DLGAP2: variants seen among roughly 807,000 people sequenced by gnomAD.
The protein encoded by DLGAP2 is DLG associated protein 2.
A neutral mutation model predicts 100.3 loss-of-function variants in DLGAP2; 26 were observed. The ratio of observed to expected loss-of-function variants is 0.26; its 90% CI spans 0.19 to 0.36. DLGAP2 has a LOEUF of 0.36. Among genes scored for constraint, DLGAP2 ranks in the 10% least tolerant of loss-of-function variants. The probability of loss-of-function intolerance (pLI) is 1.00; values close to 1 mark genes in which losing one functional copy is unlikely to be tolerated. For missense variants in DLGAP2, 1,858 were observed against 1,453.2 expected (o/e 1.28, Z -4.53); for synonymous variants, 886 against 630.1 (o/e 1.41, Z -6.08).
At chr8:1,422,037 G>T (rs1329618819) in intron 3 of DLGAP2, among the ~76,000 whole-genome samples, 3 of 152,036 alleles carry the variant, frequency 2.0e-5, no homozygotes, top group African/African-American at 7.2e-5. Context: ...GCTGATATTT[G>T]CTGAGCATCT....
chr8:1,372,797 T>C (rs1802277155), intron 3 of DLGAP2, among the ~76,000 whole-genome samples: 1 of 152,226 alleles, frequency 6.6e-6, no homozygotes, highest in Non-Finnish European at 1.5e-5. Flanking sequence ...CAGTATATTT[T>C]CCCAAGCGAA....
At chr8:1,599,172 C>T (rs1042640035) in intron 6 of DLGAP2, among the ~76,000 whole-genome samples, 2 of 152,086 alleles carry the variant, frequency 1.3e-5, no homozygotes, top group Admixed American at 6.6e-5. Flanking sequence ...TGTAGTTGTG[C>T]AGTTTTGAGT....
rs1358895734 is a variant in DLGAP2, at chr8:764,635, A to G, written c.18+26810A>G. ...AAAAATCACCCTCATGTTATTGATCAGTTATTTTTCTAATTAGATACATCA... is the reference window on the plus strand; with the variant it reads ...AAAAATCACCCTCATGTTATTGATCGGTTATTTTTCTAATTAGATACATCA... On this transcript the variant is annotated intron_variant, in intron 1 of 14. Coordinates refer to ENST00000637795, the MANE Select transcript of DLGAP2 (RefSeq NM_001346810.2). 2.1e-4 allele frequency among the ~76,000 whole-genome samples: 32 copies of G among 152,130 alleles called. 1 individual carries two copies. The highest frequency in any genetic ancestry group is 1.5e-5 in the Non-Finnish European group (1 of 68,030).
chr8:1,367,212 A>G (rs564865074), intron 3 of DLGAP2, among the ~76,000 whole-genome samples: 12 of 152,366 alleles, frequency 7.9e-5, no homozygotes, highest in African/African-American at 2.6e-4. Context: ...TCAAAATGCA[A>G]GAATTTTGAC....
intron 2 of DLGAP2, among the ~76,000 whole-genome samples, chr8:1,227,526 C>T (rs2116826391): frequency 6.6e-6 from 1 of 150,776 alleles, no homozygotes; most frequent in East Asian, 2.0e-4. Context: ...TGGAGTTCTG[C>T]TCTGTCGCCC....
chr8:1,179,618 C>A (rs1324183421), intron 2 of DLGAP2, among the ~76,000 whole-genome samples: 1 of 152,202 alleles, frequency 6.6e-6, no homozygotes, highest in Admixed American at 6.5e-5. Flanking sequence ...CCTTTGCATG[C>A]AGTTTTAAAT....
intron 2 of DLGAP2, among the ~76,000 whole-genome samples, chr8:1,046,548 T>C (rs1227784195): frequency 6.6e-6 from 1 of 152,204 alleles, no homozygotes; most frequent in Admixed American, 6.5e-5. Flanking sequence ...CCACATTGCA[T>C]GTGGGCGTGT....
intron 2 of DLGAP2, among the ~76,000 whole-genome samples, chr8:988,700 C>T (rs551501898): frequency 1.3e-5 from 2 of 152,278 alleles, no homozygotes; most frequent in African/African-American, 2.4e-5. Flanking sequence ...GATGTGTTCC[C>T]TGCCTGCCCT....
rs989547207 is a variant in DLGAP2 at position 1,678,496 on chromosome 8, G to C, written c.2571G>C (p.Glu857Asp). 3.7e-6 allele frequency: 6 copies of C among 1,612,564 alleles called. No individual in the cohort carries two copies. The highest frequency in any genetic ancestry group is 5.1e-6 in the Non-Finnish European group (6 of 1,179,328). Residue 857 changes from glutamate (E) to aspartate (D), a missense_variant, in exon 12 of 15, where the codon GAG becomes GAC. Coordinates refer to ENST00000637795, the MANE Select transcript of DLGAP2 (RefSeq NM_001346810.2). Reference protein sequence around the residue: ...PWLEPAIDTVETGRMSPCRRD... With the variant: ...PWLEPAIDTVDTGRMSPCRRD... ...TGGAGCCCGCCATCGACACGGTAGA[G>C]ACTGGGAGGATGTCTCCGTGCCGCA...
chr8:1,343,830 G>T (rs547792300), intron 3 of DLGAP2, among the ~76,000 whole-genome samples: 2 of 152,114 alleles, frequency 1.3e-5, no homozygotes, highest in Admixed American at 1.3e-4. Context: ...ACGTCCACCC[G>T]TGACAGAGCA....
chr8:1,327,310 C>T (rs1474394614), intron 3 of DLGAP2, among the ~76,000 whole-genome samples: 7 of 152,206 alleles, frequency 4.6e-5, no homozygotes, highest in Non-Finnish European at 1.5e-5. Context: ...CTCAGAGCTC[C>T]ACACCTGTGG....
chr8:1,339,880 G>T (rs1161003945), intron 3 of DLGAP2, among the ~76,000 whole-genome samples: 3 of 152,144 alleles, frequency 2.0e-5, no homozygotes, highest in South Asian at 4.1e-4. Context: ...TTTATCTCTG[G>T]GATCCTGTGA....
chr8:987,056 G>A (rs923668708), intron 2 of DLGAP2, among the ~76,000 whole-genome samples: 5 of 152,178 alleles, frequency 3.3e-5, no homozygotes, highest in African/African-American at 9.6e-5. Flanking sequence ...AATCAGGTTC[G>A]AATTTGATTT....
At position 1,663,154 on chromosome 8, in the gene DLGAP2, G is replaced by C. The variant is rs368465507; in HGVS notation, c.1811-5175G>C. Among the ~76,000 whole-genome samples, 31 of 149,154 alleles carry C rather than the reference G, an allele frequency of 2.1e-4. No individual in the cohort carries two copies. The South Asian group carries it at 6.0e-3, about 29-fold the overall frequency. On this transcript the variant is annotated intron_variant, in intron 8 of 14. Coordinates refer to ENST00000637795, the MANE Select transcript of DLGAP2 (RefSeq NM_001346810.2). The stretch of plus-strand genomic sequence containing the variant: ...TGTGTGTGTGTATGTGTGAGTGTGG[G>C]GGATGTGTGCCTGTGTGTACACGTG...
At chr8:1,199,347 A>G (rs1181392760) in intron 2 of DLGAP2, among the ~76,000 whole-genome samples, 1 of 152,222 alleles carries the variant, frequency 6.6e-6, no homozygotes, top group Non-Finnish European at 1.5e-5. Flanking sequence ...CTATTAATCT[A>G]TGTAGCAGTT....
chr8:831,372 C>G (rs11994697), intron 1 of DLGAP2, among the ~76,000 whole-genome samples: 1 of 150,988 alleles, frequency 6.6e-6, no homozygotes, highest in African/African-American at 2.4e-5. Flanking sequence ...CCCAGCCCCC[C>G]ATCCCGCAAC....
intron 3 of DLGAP2, among the ~76,000 whole-genome samples, chr8:1,425,881 T>C (rs1797224679): frequency 6.6e-6 from 1 of 151,870 alleles, no homozygotes; most frequent in Non-Finnish European, 1.5e-5. Context: ...GACTGGAGCT[T>C]GGTGTCTGAA....
chr8:1,112,420 T>G (rs1804987110), intron 2 of DLGAP2, among the ~76,000 whole-genome samples: 1 of 152,090 alleles, frequency 6.6e-6, no homozygotes, highest in Non-Finnish European at 1.5e-5. Flanking sequence ...TTTTGTATTT[T>G]TATTAGAGAC....
intron 2 of DLGAP2, among the ~76,000 whole-genome samples, chr8:953,702 G>C (rs577025570): frequency 6.6e-6 from 1 of 152,210 alleles, no homozygotes; most frequent in African/African-American, 2.4e-5. Context: ...GTGCCGAGTG[G>C]AGCTGACGCT....
Sources: gnomAD v4.1 joint callset for allele counts (sites outside exome capture counted in the v4.1 genomes callset) on GRCh38, gnomAD v4.1.1 for gene constraint, MANE v1.5 for transcripts, NCBI Gene and HGNC (gene_info 2026-07-23, HGNC 2026-07-21) for gene names.